Variants in TDRD9 observed in about 807,000 individuals in gnomAD.
The protein encoded by TDRD9 is tudor domain containing 9, also known as ATP-dependent RNA helicase TDRD9.
Under a neutral mutation model 172.6 loss-of-function variants are expected in TDRD9, and 124 were observed. That is an observed-to-expected ratio of 0.72 (90% CI 0.62 to 0.83). TDRD9 has a LOEUF of 0.83. Ranked by LOEUF, TDRD9 falls within the 40% of genes least tolerant of loss-of-function variation. The pLI, the probability that TDRD9 is intolerant of heterozygous loss-of-function variation, is 0.00. For missense variants in TDRD9, 1,479 were observed against 1,714.1 expected, an observed-to-expected ratio of 0.86 and a Z score of 2.42; for synonymous variants, 619 against 617.1, an observed-to-expected ratio of 1.00 and a Z score of -0.05.
At position 103,994,525 on chromosome 14, in the gene TDRD9, G is replaced by A; in HGVS notation, c.1242G>A (p.Gln414=). The A allele has an allele frequency of 6.2e-7, 1 of 1,613,726 alleles. No individual in the cohort carries two copies. Among genetic ancestry groups the A allele is most frequent in the Non-Finnish European group, 8.5e-7 (1 of 1,179,736 alleles). The part of the protein sequence containing the change: ...LLTSLVHKRL[Q]VYPLHSSVAL... ...TATTTTAGTAATTTCTTAGGTTGCA[G>A]GTCTATCCACTCCATTCAAGTGTGG... The change falls in exon 11 of 36, where the codon CAG becomes CAA. Residue 414 remains glutamine (Q), a synonymous_variant. Coordinates refer to ENST00000409874, the MANE Select transcript of TDRD9 (RefSeq NM_153046.3).
At chr14:103,991,066 T>C in intron 8 of TDRD9, 94 bp from the exon 9 acceptor site, 1 of 1,463,272 alleles carries the variant, frequency 6.8e-7, no homozygotes, top group Non-Finnish European at 9.5e-7. Flanking sequence ...TGTAAGAGCC[T>C]TTCAGGATTA....
In TDRD9 at chr14:104,022,195, T is replaced by G; in HGVS notation, c.2471T>G (p.Phe824Cys). Residue 824 changes from phenylalanine to cysteine, a missense_variant, in exon 24 of 36, where the codon TTT becomes TGT. Phe to Cys is a radical substitution (Grantham distance 205). Transcript: ENST00000409874. ...TTCTCACGAAATCCAACAGAGAGAT[T>G]TAAAACCCTTCCTGCAGTATATATG... ...VEFSRNPTER[F>C]KTLPAVYMAI... 1 of 1,571,016 alleles carries G rather than the reference T, an allele frequency of 6.4e-7. No individual in the cohort carries two copies.
At chr14:104,006,974 G>A (rs1318786429) in intron 18 of TDRD9, 129 bp downstream of exon 18, 2 of 990,422 alleles carry the variant, frequency 2.0e-6, no homozygotes, top group East Asian at 2.6e-5. Flanking sequence ...GGTTATTGGT[G>A]TCCAGTGTTA....
chr14:103,992,583 A>G (rs1351043141), intron 9 of TDRD9, among the ~76,000 whole-genome samples: 1 of 152,162 alleles, frequency 6.6e-6, no homozygotes, highest in East Asian at 1.9e-4. Context: ...GGCCGGGCAC[A>G]GTGCTCACGC....
chr14:104,001,446 A>G (rs2034258665), intron 13 of TDRD9, among the ~76,000 whole-genome samples: 1 of 152,212 alleles, frequency 6.6e-6, no homozygotes, highest in South Asian at 2.1e-4. Flanking sequence ...TCCACTGAAC[A>G]TTTACCTGTT....
At chr14:104,012,416 A>G (rs759521813) in intron 20 of TDRD9, among the ~76,000 whole-genome samples, 1 of 151,490 alleles carries the variant, frequency 6.6e-6, no homozygotes, top group South Asian at 2.1e-4. Context: ...CCTTTGTGTT[A>G]TTGTATTTTC....
chr14:104,006,905 A>C (rs764259724), intron 18 of TDRD9, 60 bp downstream of exon 18: 2 of 1,424,056 alleles, frequency 1.4e-6, no homozygotes, highest in Admixed American at 3.8e-5. Flanking sequence ...GTACATTTTC[A>C]TACCACAAAC....
intron 32 of TDRD9, among the ~76,000 whole-genome samples, chr14:104,037,026 T>G (rs778930672): frequency 2.6e-5 from 4 of 152,040 alleles, no homozygotes; most frequent in Non-Finnish European, 5.9e-5. Context: ...GTCTCTAAGG[T>G]TGGAGTTTTT....
chr14:103,998,966 G>A (rs562176281), intron 13 of TDRD9, among the ~76,000 whole-genome samples: 89 of 152,100 alleles, frequency 5.9e-4, no homozygotes, highest in African/African-American at 2.0e-3. Flanking sequence ...CTAATTTTTT[G>A]TATTTTTTAG....
intron 13 of TDRD9, 55 bp downstream of exon 13, chr14:103,998,783 T>C: frequency 1.1e-6 from 1 of 900,900 alleles, no homozygotes; most frequent in Non-Finnish European, 1.8e-6. Context: ...CAGTGGCACA[T>C]TCAGGTGCTT....
intron 34 of TDRD9, 35 bp from the exon 35 acceptor site, chr14:104,049,573 T>A: frequency 1.3e-6 from 2 of 1,489,410 alleles, no homozygotes; most frequent in Non-Finnish European, 1.8e-6. Context: ...GTTACTAATA[T>A]ATAATTAAGA....
intron 29 of TDRD9, 69 bp from the exon 30 acceptor site, chr14:104,031,948 G>A: frequency 9.6e-7 from 1 of 1,041,480 alleles, no homozygotes; most frequent in Admixed American, 2.9e-5. Context: ...GCTGACTTTT[G>A]AGTTTTAAAA....
intron 1 of TDRD9, among the ~76,000 whole-genome samples, chr14:103,951,666 A>G (rs1217807711): frequency 6.6e-6 from 1 of 152,230 alleles, no homozygotes; most frequent in African/African-American, 2.4e-5. Flanking sequence ...AGCTGTTCTC[A>G]TTAAACACCA....
chr14:103,984,238 A>G (rs1410731634), intron 7 of TDRD9, among the ~76,000 whole-genome samples: 4 of 152,262 alleles, frequency 2.6e-5, no homozygotes, highest in Non-Finnish European at 4.4e-5. Context: ...ATAAATTTGC[A>G]TAAGTAGTGA....
At position 104,025,777 on chromosome 14, in the gene TDRD9, G is replaced by GTAGGTT; in HGVS notation, c.2931+3_2931+8dup. On this transcript the variant is annotated splice_donor_variant, in intron 26 of 35. Coordinates refer to ENST00000409874, the MANE Select transcript of TDRD9 (RefSeq NM_153046.3). LOFTEE classifies it high-confidence loss of function. Reference sequence around the variant, plus strand: ...TTATGTTTCTGGAAATTCTGCTGAGGTAGGTTTTTCTGTAACAAGTCACTG... The same window carrying GTAGGTT: ...TTATGTTTCTGGAAATTCTGCTGAGGTAGGTTTAGGTTTTTCTGTAACAAGTCACTG... 1.2e-6 allele frequency: 2 copies of GTAGGTT among 1,612,332 alleles called. No homozygotes were observed. Among genetic ancestry groups the GTAGGTT allele is most frequent in the African/African-American group, 2.7e-5 (2 of 75,014 alleles).
intron 34 of TDRD9, among the ~76,000 whole-genome samples, chr14:104,044,796 T>G (rs1207043912): frequency 6.6e-6 from 1 of 152,092 alleles, no homozygotes; most frequent in Admixed American, 6.5e-5. Context: ...CTCGGGAAGA[T>G]ATCTATGAGT....
At chr14:103,951,541 A>G (rs1490461574) in intron 1 of TDRD9, among the ~76,000 whole-genome samples, 1 of 152,216 alleles carries the variant, frequency 6.6e-6, no homozygotes, top group African/African-American at 2.4e-5. Flanking sequence ...CACTTTCTAA[A>G]TATCAAAAAA....
At chr14:103,946,228 C>T (rs538908272) in intron 1 of TDRD9, among the ~76,000 whole-genome samples, 1 of 152,146 alleles carries the variant, frequency 6.6e-6, no homozygotes, top group Admixed American at 6.5e-5. Flanking sequence ...CCTCAGCCTC[C>T]CAGTGTGCTG....
chr14:104,031,492 T>TTA (rs1179566454), intron 29 of TDRD9, among the ~76,000 whole-genome samples: 1 of 145,592 alleles, frequency 6.9e-6, no homozygotes, highest in Non-Finnish European at 1.5e-5. Context: ...TTTTTTTTTT[T>TTA]AAACCCTCCT....
Sources: gnomAD v4.1 joint callset for allele counts (sites outside exome capture counted in the v4.1 genomes callset) on GRCh38, gnomAD v4.1.1 for gene constraint, MANE v1.5 for transcripts, NCBI Gene and HGNC (gene_info 2026-07-23, HGNC 2026-07-21) for gene names.